Variants in MTREX observed in about 807,000 individuals in gnomAD.
MTREX encodes Mtr4 exosome RNA helicase, also known as exosome RNA helicase MTR4.
MTREX carries 76 observed loss-of-function variants against 135.4 expected under a neutral mutation model. The observed-to-expected ratio is 0.56, with a 90% confidence interval of 0.47 to 0.68. The LOEUF (loss-of-function observed/expected upper bound fraction) is 0.68. Among genes scored for constraint, MTREX ranks in the 30% least tolerant of loss-of-function variants. MTREX has a pLI of 0.00. For missense variants in MTREX, 920 were observed against 1,262.1 expected, an observed-to-expected ratio of 0.73 and a Z score of 4.11; for synonymous variants, 404 against 401.6, an observed-to-expected ratio of 1.01 and a Z score of -0.07.
At position 55,335,856 on chromosome 5, in the gene MTREX, A is replaced by G. The variant is rs890188755; in HGVS notation, c.516-4154A>G. Among the ~76,000 whole-genome samples, 4 of 152,150 alleles carry G rather than the reference A, an allele frequency of 2.6e-5. No individual in the cohort carries two copies. The East Asian group carries it at 7.7e-4, about 29-fold the overall frequency. Reference sequence around the variant, plus strand: ...AAAAATTAATTTGGAGAAAATTGTCATTGTAACAATATTGACTCAATCGAT... The same window carrying G: ...AAAAATTAATTTGGAGAAAATTGTCGTTGTAACAATATTGACTCAATCGAT... On this transcript the variant is annotated intron_variant, in intron 5 of 26. Coordinates refer to ENST00000230640, the MANE Select transcript of MTREX (RefSeq NM_015360.5).
intron 6 of MTREX, among the ~76,000 whole-genome samples, chr5:55,340,643 G>T (rs1353781025): frequency 6.6e-6 from 1 of 152,120 alleles, no homozygotes; most frequent in Non-Finnish European, 1.5e-5. Context: ...GTGCAGTGGT[G>T]CAACCTCTGC....
chr5:55,349,185 CTT>C (rs369214186), intron 11 of MTREX, among the ~76,000 whole-genome samples: 4 of 128,708 alleles, frequency 3.1e-5, no homozygotes, highest in Admixed American at 1.6e-4. Context: ...TTTAAAGACT[CTT>C]TTTTTTTTTT....
chr5:55,312,355 G>A (rs185497963), intron 1 of MTREX, among the ~76,000 whole-genome samples: 108 of 152,012 alleles, frequency 7.1e-4, no homozygotes, highest in African/African-American at 2.4e-3. Flanking sequence ...ATTATGTTTC[G>A]TTTCTGGGTA....
intron 25 of MTREX, among the ~76,000 whole-genome samples, chr5:55,417,677 A>G (rs1390297843): frequency 2.6e-5 from 4 of 152,222 alleles, no homozygotes; most frequent in Non-Finnish European, 5.9e-5. Context: ...AGGTTGGTGT[A>G]TGACAATTGT....
intron 15 of MTREX, among the ~76,000 whole-genome samples, chr5:55,365,326 A>G (rs907232686): frequency 6.6e-6 from 1 of 152,166 alleles, no homozygotes; most frequent in Non-Finnish European, 1.5e-5. Flanking sequence ...ATTTTTAAGG[A>G]AAGTGGGTAA....
At chr5:55,348,225 C>T (rs779038829) in intron 11 of MTREX, among the ~76,000 whole-genome samples, 38 of 152,122 alleles carry the variant, frequency 2.5e-4, no homozygotes, top group Non-Finnish European at 4.4e-4. Context: ...GGCAGGAGAG[C>T]ATGCAAGAGA....
intron 25 of MTREX, among the ~76,000 whole-genome samples, chr5:55,418,132 G>C (rs186744984): frequency 2.0e-5 from 3 of 150,730 alleles, no homozygotes; most frequent in African/African-American, 7.3e-5. Flanking sequence ...TACTCGGGAG[G>C]CTGAGGCAGG....
chr5:55,405,536 A>G lies in MTREX; in HGVS notation c.2593A>G (p.Thr865Ala). 1 of 1,613,790 alleles carries G rather than the reference A, an allele frequency of 6.2e-7. No homozygotes were observed. The highest frequency in any genetic ancestry group is 2.2e-5 in the East Asian group (1 of 44,856). Residue 865 changes from threonine to alanine, a missense_variant, in exon 22 of 27, where the codon ACT becomes GCT. By Grantham distance (58) the Thr-to-Ala change is moderately conservative. Coordinates refer to ENST00000230640, the MANE Select transcript of MTREX (RefSeq NM_015360.5). ...TGTTTTAAGAAGGTTGGGATTTGCT[A>G]CTTCTTCTGATGTAATAGAGATGAA... is the stretch of plus-strand genomic sequence containing the variant. ...KRVLRRLGFATSSDVIEMKGR... is the reference protein window; with the variant it reads ...KRVLRRLGFAASSDVIEMKGR...
At chr5:55,381,522 GTTAT>G (rs1352358180) in intron 18 of MTREX, among the ~76,000 whole-genome samples, 4 of 151,922 alleles carry the variant, frequency 2.6e-5, no homozygotes, top group Non-Finnish European at 5.9e-5. Context: ...TAACCCATTG[GTTAT>G]TTAGGAGAGT....
rs372185612 is a variant in MTREX at position 55,400,185 on chromosome 5, A to G, written c.2293-48A>G. 39 of 1,406,770 alleles carry G rather than the reference A, an allele frequency of 2.8e-5. No homozygotes were observed. In the African/African-American group the frequency reaches 4.8e-4, roughly 17 times the overall value. The allele number at this position is 1,406,770 out of a possible 1,614,324, so 87.1% of individuals were successfully genotyped here. A position where few individuals can be genotyped will look rare whatever the true frequency, so the allele number is the denominator to read the frequency against. The stretch of plus-strand genomic sequence containing the variant: ...GGAAACACTGATTTGGTTTGGTCTT[A>G]CTAATTTTGACTATAAGATGAAAAT... On this transcript the variant is annotated intron_variant, in intron 20 of 26. Transcript: ENST00000230640.
At chr5:55,347,406 CT>C (rs1749755683) in intron 11 of MTREX, among the ~76,000 whole-genome samples, 1 of 152,112 alleles carries the variant, frequency 6.6e-6, no homozygotes, top group Admixed American at 6.6e-5. Context: ...ATCATGCCTT[CT>C]TATACTTTGT....
chr5:55,308,103 C>T lies in MTREX; in HGVS notation c.90C>T (p.Asp30=). ...AAGTKKDKEK[D]KGKWKGPPGS... ...GAACCAAAAAAGACAAGGAAAAGGA[C>T]AAGGGGAAATGGAAGGGGCCTCCAG... Residue 30 remains aspartate (D), a synonymous_variant, in exon 1 of 27, where the codon GAC becomes GAT. Transcript: ENST00000230640. 1 of 1,613,558 alleles carries T rather than the reference C, an allele frequency of 6.2e-7. No individual in the cohort carries two copies. Among genetic ancestry groups the T allele is most frequent in the Non-Finnish European group, 8.5e-7 (1 of 1,179,830 alleles).
chr5:55,318,411 C>T (rs1316091786), intron 1 of MTREX, among the ~76,000 whole-genome samples: 5 of 152,118 alleles, frequency 3.3e-5, no homozygotes, highest in African/African-American at 1.2e-4. Flanking sequence ...AAATGTGGTA[C>T]GTATACACCA....
intron 18 of MTREX, among the ~76,000 whole-genome samples, chr5:55,382,947 T>C (rs1750419237): frequency 6.6e-6 from 1 of 152,208 alleles, no homozygotes; most frequent in Non-Finnish European, 1.5e-5. Context: ...TTTTATTACT[T>C]TTAAAGCTTA....
chr5:55,417,003 G>A (rs146515349), intron 25 of MTREX, among the ~76,000 whole-genome samples: 141 of 152,206 alleles, frequency 9.3e-4, no homozygotes, highest in Non-Finnish European at 1.8e-3. Context: ...TGATGCATAG[G>A]TTAAACTTCT....
chr5:55,406,206 A>T (rs1222882019), intron 22 of MTREX, among the ~76,000 whole-genome samples: 1 of 152,156 alleles, frequency 6.6e-6, no homozygotes, highest in Non-Finnish European at 1.5e-5. Context: ...CAGTGACTTT[A>T]TCCTCTTATT....
chr5:55,397,633 C>T, intron 20 of MTREX, 107 bp downstream of exon 20: 1 of 569,920 alleles, frequency 1.8e-6, no homozygotes, highest in Non-Finnish European at 2.9e-6. Context: ...TTTCAGAATA[C>T]CTATAAATAC....
chr5:55,325,556 G>T (rs1055334654), intron 3 of MTREX, among the ~76,000 whole-genome samples: 3 of 150,698 alleles, frequency 2.0e-5, no homozygotes, highest in African/African-American at 7.3e-5. Context: ...CACCATGTTG[G>T]TCAGGCTGGT....
At chr5:55,341,403 T>C (rs1194699571) in intron 6 of MTREX, among the ~76,000 whole-genome samples, 2 of 152,214 alleles carry the variant, frequency 1.3e-5, no homozygotes, top group East Asian at 3.8e-4. Context: ...GTGATAATTC[T>C]CTCTGTGGAT....
Sources: allele counts gnomAD v4.1 joint callset (sites outside exome capture counted in the v4.1 genomes callset), GRCh38; gene constraint gnomAD v4.1.1; transcripts MANE v1.5; gene names NCBI Gene and HGNC (gene_info 2026-07-23, HGNC 2026-07-21).